Variants in AKAP13 observed in about 807,000 individuals in gnomAD.
The protein encoded by AKAP13 is A-kinase anchoring protein 13, also known as A-kinase anchor protein 13.
In AKAP13, 80 loss-of-function variants were observed where a neutral mutation model predicts 264.5. The observed-to-expected ratio is 0.30, with a 90% confidence interval of 0.25 to 0.36. The LOEUF is 0.36. Ranked by LOEUF, AKAP13 falls within the 10% of genes least tolerant of loss-of-function variation. AKAP13 has a pLI of 1.00. For missense variants in AKAP13, 3,712 were observed against 3,435.2 expected (o/e 1.08, Z -2.01); for synonymous variants, 1,380 against 1,250.2 (o/e 1.10, Z -2.19).
chr15:85,670,086 T>C (rs1288108926), intron 14 of AKAP13, among the ~76,000 whole-genome samples: 3 of 151,628 alleles, frequency 2.0e-5, no homozygotes, highest in Non-Finnish European at 2.9e-5. Context: ...TTTTTAAAAT[T>C]TTTTTATTTT....
At chr15:85,689,356 C>T (rs2085133124) in intron 16 of AKAP13, among the ~76,000 whole-genome samples, 1 of 152,172 alleles carries the variant, frequency 6.6e-6, no homozygotes, top group Non-Finnish European at 1.5e-5. Context: ...TGTAACATGA[C>T]AGTTGTTTGA....
intron 1 of AKAP13, among the ~76,000 whole-genome samples, chr15:85,427,706 G>A (rs933043028): frequency 2.6e-5 from 4 of 152,186 alleles, no homozygotes; most frequent in Non-Finnish European, 4.4e-5. Context: ...CTAAGGACCT[G>A]CATTTGGGTC....
chr15:85,419,199 C>G (rs961091258), intron 1 of AKAP13, among the ~76,000 whole-genome samples: 6 of 152,168 alleles, frequency 3.9e-5, no homozygotes, highest in Non-Finnish European at 7.3e-5. Flanking sequence ...AATTTTCAAA[C>G]TTCTTTGCAA....
intron 14 of AKAP13, among the ~76,000 whole-genome samples, chr15:85,678,619 T>C (rs1428066599): frequency 6.6e-6 from 1 of 152,166 alleles, no homozygotes; most frequent in South Asian, 2.1e-4. Context: ...CCCAGCACTT[T>C]GGGAGGCCGA....
In AKAP13 at chr15:85,578,982, A is replaced by C; in HGVS notation, c.914A>C (p.Gln305Pro). 6.2e-7 allele frequency: 1 copy of C among 1,614,126 alleles called. No individual in the cohort carries two copies. Among genetic ancestry groups the C allele is most frequent in the Non-Finnish European group, 8.5e-7 (1 of 1,180,034 alleles). ...CTTATGCCCTTAATGATGACAGCAC[A>C]GGATCCTTCCAGTGCCCCAGAGACA... is the stretch of plus-strand genomic sequence containing the variant. ...DSLMPLMMTA[Q>P]DPSSAPETDG... Residue 305 changes from glutamine (Q) to proline (P), a missense_variant, in exon 7 of 37, where the codon CAG (glutamine) becomes CCG (proline). By Grantham distance (76) the Gln-to-Pro change is moderately conservative. Transcript: ENST00000394518.
chr15:85,611,539 C>A (rs558206140), intron 8 of AKAP13, among the ~76,000 whole-genome samples: 1 of 152,356 alleles, frequency 6.6e-6, no homozygotes, highest in South Asian at 2.1e-4. Flanking sequence ...CTGCTTTCAG[C>A]AGCTGAGTTC....
chr15:85,471,975 C>T (rs2074977282), intron 1 of AKAP13, among the ~76,000 whole-genome samples: 1 of 151,752 alleles, frequency 6.6e-6, no homozygotes, highest in Non-Finnish European at 1.5e-5. Context: ...ATATATTTAC[C>T]ATGTATCTCT....
chr15:85,588,570 T>G (rs1200721797), intron 8 of AKAP13, among the ~76,000 whole-genome samples: 1 of 152,220 alleles, frequency 6.6e-6, no homozygotes, highest in Non-Finnish European at 1.5e-5. Context: ...GATATCTCTA[T>G]TCTAATGGTA....
intron 8 of AKAP13, among the ~76,000 whole-genome samples, chr15:85,635,351 C>T (rs556421351): frequency 3.9e-5 from 6 of 152,162 alleles, no homozygotes; most frequent in East Asian, 3.9e-4. Flanking sequence ...ATCTGCCTTT[C>T]GTATATCTTT....
At chr15:85,550,369 G>A (rs1232378559) in intron 5 of AKAP13, among the ~76,000 whole-genome samples, 1 of 152,210 alleles carries the variant, frequency 6.6e-6, no homozygotes, top group African/African-American at 2.4e-5. Flanking sequence ...GACCCAGCCT[G>A]ACAAGCTCTA....
At chr15:85,599,202 C>T (rs1002672957) in intron 8 of AKAP13, among the ~76,000 whole-genome samples, 2 of 152,170 alleles carry the variant, frequency 1.3e-5, no homozygotes, top group African/African-American at 4.8e-5. Context: ...GATTTAAATC[C>T]TGGCTTTCCT....
intron 29 of AKAP13, among the ~76,000 whole-genome samples, chr15:85,729,594 A>C (rs1235172372): frequency 6.6e-6 from 1 of 152,132 alleles, no homozygotes; most frequent in Non-Finnish European, 1.5e-5. Flanking sequence ...AAGGTCATTG[A>C]AGCCATGGGG....
At chr15:85,559,816 A>T (rs1334256849) in intron 5 of AKAP13, among the ~76,000 whole-genome samples, 1 of 152,166 alleles carries the variant, frequency 6.6e-6, no homozygotes, top group Non-Finnish European at 1.5e-5. Context: ...GTGGCCTAAC[A>T]CGCCATAGAC....
chr15:85,740,544 C>T (rs144647173), intron 34 of AKAP13: 112 of 463,734 alleles, frequency 2.4e-4, no homozygotes, highest in African/African-American at 2.1e-3. Context: ...GAGATTACTT[C>T]ACTTTAGAAA....
chr15:85,507,802 G>A (rs2076283644), intron 2 of AKAP13, among the ~76,000 whole-genome samples: 1 of 152,210 alleles, frequency 6.6e-6, no homozygotes, highest in African/African-American at 2.4e-5. Context: ...TATGATGGCA[G>A]TAGCACCTAA....
chr15:85,414,664 TTATG>T (rs1174321922), intron 1 of AKAP13, among the ~76,000 whole-genome samples: 3 of 152,262 alleles, frequency 2.0e-5, no homozygotes. Context: ...TTGTTAATTC[TTATG>T]TTAGAGTGCC....
At chr15:85,697,121 T>C (rs1022642013) in intron 17 of AKAP13, among the ~76,000 whole-genome samples, 1 of 152,192 alleles carries the variant, frequency 6.6e-6, no homozygotes, top group Non-Finnish European at 1.5e-5. Context: ...AACTGCTCCA[T>C]TGGGTTAGGT....
At chr15:85,662,375 A>T (rs1295895609) in intron 12 of AKAP13, 8 of 1,613,756 alleles carry the variant, frequency 5.0e-6, no homozygotes, top group Middle Eastern at 3.3e-4. Flanking sequence ...TCTGTCTTTG[A>T]TGTCATCCCC....
At chr15:85,454,884 T>C (rs1287352935) in intron 1 of AKAP13, among the ~76,000 whole-genome samples, 1 of 152,204 alleles carries the variant, frequency 6.6e-6, no homozygotes, top group Non-Finnish European at 1.5e-5. Context: ...CAGCAAGAAA[T>C]TGATCCAGAT....
Sources: allele counts gnomAD v4.1 joint callset (sites outside exome capture counted in the v4.1 genomes callset), GRCh38; gene constraint gnomAD v4.1.1; transcripts MANE v1.5; gene names NCBI Gene and HGNC (gene_info 2026-07-23, HGNC 2026-07-21).